Variants in PYGL observed in about 807,000 individuals in gnomAD.
PYGL encodes glycogen phosphorylase L.
In PYGL, 90 loss-of-function variants were observed where a neutral mutation model predicts 100.1. The observed-to-expected ratio is 0.90, with a 90% CI of 0.76 to 1.07. The LOEUF (loss-of-function observed/expected upper bound fraction) is 1.07. Among genes scored for constraint, PYGL ranks in the 50% least tolerant of loss-of-function variants. PYGL has a pLI of 0.00. For synonymous variants in PYGL, 373 were observed against 393.0 expected, an observed-to-expected ratio of 0.95 and a Z score of 0.60; for missense variants, 1,016 against 1,057.6, an observed-to-expected ratio of 0.96 and a Z score of 0.55.
intron 5 of PYGL, among the ~76,000 whole-genome samples, chr14:50,922,689 A>C (rs997512701): frequency 6.6e-6 from 1 of 152,168 alleles, no homozygotes; most frequent in African/African-American, 2.4e-5. Flanking sequence ...TCTAATGGGC[A>C]ATCTTTAGTG....
In PYGL at chr14:50,908,949, C is replaced by T. The variant is rs2050361755; in HGVS notation, c.2184G>A (p.Glu728=). The T allele has an allele frequency of 6.3e-7, 1 of 1,590,932 alleles. No homozygotes were observed. The highest frequency in any genetic ancestry group is 1.1e-5 in the South Asian group (1 of 90,552). The change falls in exon 18 of 20, where the codon GAG becomes GAA. Residue 728 remains glutamate, a synonymous_variant. Transcript: ENST00000216392. ...GAAGTGCCTCATAGTATTCTTTTGC[C>T]TCGTACCTGTGGGGTAGGGGTGGGT... The part of the protein sequence containing the change: ...DVAALDKKGY[E]AKEYYEALPE...
chr14:50,927,893 C>T (rs2050567026), intron 4 of PYGL, among the ~76,000 whole-genome samples: 1 of 151,960 alleles, frequency 6.6e-6, no homozygotes, highest in Non-Finnish European at 1.5e-5. Flanking sequence ...AATGAATTGA[C>T]AAATTGATCT....
intron 3 of PYGL, 106 bp downstream of exon 3, chr14:50,935,001 C>T (rs763599961): frequency 9.5e-5 from 98 of 1,035,508 alleles, no homozygotes; most frequent in Non-Finnish European, 1.2e-4. Flanking sequence ...TCATACCTTG[C>T]GCTTCTTCTA....
Position 50,923,910 on chromosome 14 carries a change from G to A in PYGL, c.660+59C>T, listed in dbSNP as rs577281563. The A allele has an allele frequency of 2.6e-6, 4 of 1,544,394 alleles. No individual in the cohort carries two copies. The South Asian group carries it at 4.5e-5, about 17-fold the overall frequency. Reference sequence around the variant, plus strand: ...CACCACTATATGCTACATAGTCAATGTATTATCTACTGTACTAAATACTAT... The same window carrying A: ...CACCACTATATGCTACATAGTCAATATATTATCTACTGTACTAAATACTAT... On this transcript the variant is annotated intron_variant, in intron 5 of 19. Coordinates refer to ENST00000216392, the MANE Select transcript of PYGL (RefSeq NM_002863.5).
rs2050524701 is a variant in PYGL at position 50,924,000 on chromosome 14, G to C, written c.629C>G (p.Thr210Ser). ...GTCAATCCACTTGGTCCCGGTGTTGGTGTGTTCTACTTTTCCATAGAAGTG... is the reference window on the plus strand; with the variant it reads ...GTCAATCCACTTGGTCCCGGTGTTGCTGTGTTCTACTTTTCCATAGAAGTG... ...PVHFYGKVEHTNTGTKWIDTQ... is the reference protein window; with the variant it reads ...PVHFYGKVEHSNTGTKWIDTQ... The change falls in exon 5 of 20, where the codon ACC becomes AGC. Residue 210 changes from threonine to serine, a missense_variant. Transcript: ENST00000216392. 1 of 1,613,812 alleles carries C rather than the reference G, an allele frequency of 6.2e-7. No homozygotes were observed. Among genetic ancestry groups the C allele is most frequent in the African/African-American group, 1.3e-5 (1 of 74,908 alleles).
rs2050601928 is a variant in PYGL at position 50,931,669 on chromosome 14, A to G, written c.528+4T>C. The G allele has an allele frequency of 6.2e-7, 1 of 1,611,032 alleles. No homozygotes were observed. The highest frequency in any genetic ancestry group is 8.5e-7 in the Non-Finnish European group (1 of 1,177,380). ...GACAAAATTTAAAAAGATGGCTCAC[A>G]CACCTGCCATCCATCTCGGATCTTC... On this transcript the variant is annotated splice_donor_region_variant and intron_variant, in intron 4 of 19. Transcript: ENST00000216392.
At chr14:50,911,320 G>A (rs2050394790) in intron 16 of PYGL, among the ~76,000 whole-genome samples, 1 of 152,222 alleles carries the variant, frequency 6.6e-6, no homozygotes, top group African/African-American at 2.4e-5. Context: ...TGATACAAGA[G>A]CAAGTGACAG....
At position 50,912,162 on chromosome 14, in the gene PYGL, A is replaced by G. The variant is rs939591625; in HGVS notation, c.1762T>C (p.Tyr588His). The G allele has an allele frequency of 1.9e-6, 3 of 1,614,126 alleles. No homozygotes were observed. In the African/African-American group the frequency reaches 4.0e-5, roughly 22 times the overall value. The change falls in exon 14 of 20, where the codon TAC (tyrosine) becomes CAC (histidine). Residue 588 changes from tyrosine to histidine, a missense_variant. Physicochemically the swap from Tyr to His is moderately conservative, Grantham distance 83. Transcript: ENST00000216392. ...LLNCLHVITM[Y>H]NRIKKDPKKL... Reference sequence around the variant, plus strand: ...GGCTACAGGGCTGACTCACGGTTGTACATCGTGATCACATGCAGACAGTTC... The same window carrying G: ...GGCTACAGGGCTGACTCACGGTTGTGCATCGTGATCACATGCAGACAGTTC...
chr14:50,907,129 G>C (rs2050343818), intron 19 of PYGL, among the ~76,000 whole-genome samples: 1 of 152,166 alleles, frequency 6.6e-6, no homozygotes, highest in African/African-American at 2.4e-5. Flanking sequence ...AACACAGCTA[G>C]AGAGTTGTTT....
chr14:50,916,895 A>AT, intron 8 of PYGL, 67 bp downstream of exon 8: 1 of 1,577,820 alleles, frequency 6.3e-7, no homozygotes, highest in African/African-American at 1.3e-5. Flanking sequence ...GAGAGGAATT[A>AT]ATCTGATAGG....
intron 5 of PYGL, among the ~76,000 whole-genome samples, chr14:50,921,819 G>C (rs1383202082): frequency 1.3e-5 from 2 of 152,186 alleles, no homozygotes; most frequent in Non-Finnish European, 2.9e-5. Context: ...GTTTTTCAGT[G>C]ATCTGATTTC....
rs2050730238 is a variant in PYGL, at chr14:50,944,276, T to A, written c.128A>T (p.Asp43Val). Residue 43 changes from aspartate (D) to valine (V), a missense_variant, in exon 1 of 20, where the codon GAC becomes GTC. By Grantham distance (152) the Asp-to-Val change is radical. Transcript: ENST00000216392. The stretch of plus-strand genomic sequence containing the variant: ...GTCGCGGGTGGTGGCCACGTTGCGG[T>A]CCTTGACCAGCGTGAAGTGCAGGTG... ...NRHLHFTLVK[D>V]RNVATTRDYY... The A allele has an allele frequency of 1.2e-6, 2 of 1,613,934 alleles. No individual in the cohort carries two copies. The highest frequency in any genetic ancestry group is 1.7e-6 in the Non-Finnish European group (2 of 1,179,896).
rs2050456469 is a variant in PYGL, at chr14:50,916,851, A to C, written c.999+111T>G. 11 of 1,549,294 alleles carry C rather than the reference A, an allele frequency of 7.1e-6. 1 individual carries two copies. In the South Asian group the frequency reaches 1.1e-4, roughly 16 times the overall value. ...CCACCTTCTATGAAAGACTTGATGCACACTATTCCTGCTCAACGTTGTTAG... is the reference window on the plus strand; with the variant it reads ...CCACCTTCTATGAAAGACTTGATGCCCACTATTCCTGCTCAACGTTGTTAG... On this transcript the variant is annotated intron_variant, in intron 8 of 19. Coordinates refer to ENST00000216392, the MANE Select transcript of PYGL (RefSeq NM_002863.5).
Position 50,920,613 on chromosome 14 carries a change from T to A in PYGL, c.783A>T (p.Gly261=). ...NDFNLRDFNV[G]DYIQAVLDRN... ...GGTCCAGCACAGCCTGAATGTAGTC[T>A]CCAACATTAACTAGGGGAAAGTTAG... Residue 261 remains glycine (G), a synonymous_variant, in exon 7 of 20, where the codon GGA becomes GGT. Coordinates refer to ENST00000216392, the MANE Select transcript of PYGL (RefSeq NM_002863.5). 6.2e-7 allele frequency: 1 copy of A among 1,610,928 alleles called. No individual in the cohort carries two copies. The highest frequency in any genetic ancestry group is 8.5e-7 in the Non-Finnish European group (1 of 1,177,154).
At chr14:50,939,200 C>A (rs2050683255) in intron 1 of PYGL, among the ~76,000 whole-genome samples, 1 of 152,114 alleles carries the variant, frequency 6.6e-6, no homozygotes, top group African/African-American at 2.4e-5. Flanking sequence ...CCATGCCCAG[C>A]TAATTTTTGT....
At chr14:50,909,826 C>G in intron 17 of PYGL, 69 bp downstream of exon 17, 2 of 1,551,416 alleles carry the variant, frequency 1.3e-6, no homozygotes, top group Non-Finnish European at 1.8e-6. Flanking sequence ...GGCAGGAAGC[C>G]CTCTGAGGTC....
rs1405242989 is a variant in PYGL at position 50,910,100 on chromosome 14, T to A, written c.1972A>T (p.Ile658Phe). 3 of 1,613,280 alleles carry A rather than the reference T, an allele frequency of 1.9e-6. No individual in the cohort carries two copies. The highest frequency in any genetic ancestry group is 2.5e-6 in the Non-Finnish European group (3 of 1,179,176). Residue 658 changes from isoleucine (I) to phenylalanine (F), a missense_variant and splice_region_variant, in exon 17 of 20, where the codon ATT becomes TTT. Transcript: ENST00000216392. ...NYRVSLAEKV[I>F]PATDLSEQIS... is the part of the protein sequence containing the mutation. The stretch of plus-strand genomic sequence containing the variant: ...TGCTCTGACAGATCTGTGGCTGGAA[T>A]GACTGCAAGAAAGGTAAGTTAAAAT...
At chr14:50,915,766 T>A in intron 10 of PYGL, 59 bp downstream of exon 10, 1 of 1,578,484 alleles carries the variant, frequency 6.3e-7, no homozygotes, top group Non-Finnish European at 8.7e-7. Context: ...ACTGTAGCCA[T>A]CTGTAACACC....
intron 3 of PYGL, among the ~76,000 whole-genome samples, chr14:50,932,557 G>A (rs1353512018): frequency 6.6e-6 from 1 of 152,184 alleles, no homozygotes; most frequent in Non-Finnish European, 1.5e-5. Flanking sequence ...TCCTGCTGCT[G>A]AATAAACCAG....
Sources: gnomAD v4.1 joint callset for allele counts (sites outside exome capture counted in the v4.1 genomes callset) on GRCh38, gnomAD v4.1.1 for gene constraint, MANE v1.5 for transcripts, NCBI Gene and HGNC (gene_info 2026-07-23, HGNC 2026-07-21) for gene names.